AGBL4: variants seen among roughly 807,000 people sequenced by gnomAD.
AGBL4 encodes the protein cytosolic carboxypeptidase 6.
AGBL4 carries 58 observed loss-of-function variants against 66.4 expected under a neutral mutation model. The observed-to-expected ratio is 0.87, with a 90% CI of 0.71 to 1.09. The LOEUF is 1.09. AGBL4 is among the 50% of genes least tolerant of loss of function. AGBL4 has a pLI of 0.00. For synonymous variants in AGBL4, 234 were observed against 222.9 expected, an observed-to-expected ratio of 1.05 and a Z score of -0.44; for missense variants, 579 against 631.0, an observed-to-expected ratio of 0.92 and a Z score of 0.88.
At chr1:48,783,885 T>C (rs1198250059) in intron 6 of AGBL4, among the ~76,000 whole-genome samples, 2 of 152,180 alleles carry the variant, frequency 1.3e-5, no homozygotes, top group Non-Finnish European at 2.9e-5. Flanking sequence ...CAACAAGTCA[T>C]AAATATTATT....
At chr1:48,733,660 T>G (rs1428286517) in intron 6 of AGBL4, among the ~76,000 whole-genome samples, 1 of 152,214 alleles carries the variant, frequency 6.6e-6, no homozygotes, top group Non-Finnish European at 1.5e-5. Context: ...TCTACATTGC[T>G]GCACTGCTAC....
At chr1:48,995,693 T>C (rs1419794797) in intron 5 of AGBL4, among the ~76,000 whole-genome samples, 1 of 152,062 alleles carries the variant, frequency 6.6e-6, no homozygotes, top group African/African-American at 2.4e-5. Flanking sequence ...GAGTGCCAAG[T>C]GTTGGAGAGA....
At chr1:49,356,200 C>T (rs369905478) in intron 3 of AGBL4, among the ~76,000 whole-genome samples, 3 of 152,158 alleles carry the variant, frequency 2.0e-5, no homozygotes, top group Admixed American at 6.5e-5. Flanking sequence ...TCTTATATCA[C>T]TATGTTTCAG....
intron 3 of AGBL4, among the ~76,000 whole-genome samples, chr1:49,507,195 T>A (rs1047408375): frequency 6.6e-6 from 1 of 151,988 alleles, no homozygotes; most frequent in African/African-American, 2.4e-5. Context: ...AGAGAATGAA[T>A]CTTAGCCATA....
intron 2 of AGBL4, among the ~76,000 whole-genome samples, chr1:49,770,676 C>T (rs1332460099): frequency 6.6e-6 from 1 of 152,100 alleles, no homozygotes; most frequent in East Asian, 1.9e-4. Context: ...TGTTTTATTA[C>T]TGATTCAATT....
intron 8 of AGBL4, among the ~76,000 whole-genome samples, chr1:48,647,296 G>T (rs1342303644): frequency 6.6e-6 from 1 of 152,180 alleles, no homozygotes; most frequent in Non-Finnish European, 1.5e-5. Context: ...TTCCAAAGAT[G>T]AGAAATTTCA....
rs2152327 is a variant in AGBL4 at position 48,693,425 on chromosome 1, C to T, written c.635-30184G>A. Among the ~76,000 whole-genome samples the T allele has an allele frequency of 4.7e-4, 71 of 152,296 alleles. 1 individual carries two copies. The East Asian group carries it at 0.011, about 23-fold the overall frequency. On this transcript the variant is annotated intron_variant, in intron 6 of 13. Transcript: ENST00000371839. ...CCCAGAGTCCTTGACCCATGGCTGA[C>T]CTGCTTTCCCTGTCACAGAGCCCGT...
At chr1:49,347,793 G>C (rs1030067093) in intron 3 of AGBL4, among the ~76,000 whole-genome samples, 1 of 151,874 alleles carries the variant, frequency 6.6e-6, no homozygotes, top group Non-Finnish European at 1.5e-5. Flanking sequence ...CCGGGAGGCA[G>C]ACGTTGCAGT....
intron 1 of AGBL4, among the ~76,000 whole-genome samples, chr1:49,861,592 C>T (rs773330707): frequency 1.3e-5 from 2 of 152,014 alleles, no homozygotes; most frequent in African/African-American, 2.4e-5. Context: ...TCAATCTCTA[C>T]GTTAAATTCA....
At chr1:49,917,733 C>T (rs566144675) in intron 1 of AGBL4, among the ~76,000 whole-genome samples, 133 of 152,282 alleles carry the variant, frequency 8.7e-4, no homozygotes, top group African/African-American at 3.1e-3. Context: ...ACCAAGCAGA[C>T]CTAATAGACA....
At chr1:49,748,472 C>T (rs1651176586) in intron 2 of AGBL4, among the ~76,000 whole-genome samples, 1 of 152,124 alleles carries the variant, frequency 6.6e-6, no homozygotes, top group Non-Finnish European at 1.5e-5. Flanking sequence ...AATAAACATG[C>T]ATGTGCATGT....
intron 5 of AGBL4, among the ~76,000 whole-genome samples, chr1:48,982,339 C>G (rs1659841319): frequency 6.6e-6 from 1 of 152,138 alleles, no homozygotes; most frequent in Admixed American, 6.5e-5. Context: ...AGTGCTATCC[C>G]TCCCACTCCC....
chr1:49,446,634 T>C (rs1335872568), intron 3 of AGBL4, among the ~76,000 whole-genome samples: 3 of 152,156 alleles, frequency 2.0e-5, no homozygotes, highest in Non-Finnish European at 2.9e-5. Flanking sequence ...ATGCTGGCAT[T>C]TGTTTTGTCA....
chr1:49,568,499 A>ACG, intron 3 of AGBL4, among the ~76,000 whole-genome samples: 1 of 151,268 alleles, frequency 6.6e-6, no homozygotes, highest in African/African-American at 2.4e-5. Flanking sequence ...ACACACACAC[A>ACG]CACACACACA....
intron 3 of AGBL4, among the ~76,000 whole-genome samples, chr1:49,375,165 G>A (rs1644446506): frequency 6.6e-6 from 1 of 152,028 alleles, no homozygotes; most frequent in Non-Finnish European, 1.5e-5. Context: ...TTTGCTTGGG[G>A]CCTGTGAGAA....
In AGBL4 at chr1:49,151,861, T is replaced by C. The variant is rs1646342457; in HGVS notation, c.377+93909A>G. Among the ~76,000 whole-genome samples the C allele has an allele frequency of 2.0e-5, 3 of 152,182 alleles. 1 individual carries two copies. The South Asian group carries it at 6.2e-4, about 31-fold the overall frequency. On this transcript the variant is annotated intron_variant, in intron 4 of 13. Transcript: ENST00000371839. ...AATCCTTCCCCCTTTATGTAATACCTATTAACATCTATTTCCCAGAACATT... is the reference window on the plus strand; with the variant it reads ...AATCCTTCCCCCTTTATGTAATACCCATTAACATCTATTTCCCAGAACATT...
chr1:49,238,813 G>A (rs1383954576), intron 4 of AGBL4, among the ~76,000 whole-genome samples: 1 of 152,058 alleles, frequency 6.6e-6, no homozygotes, highest in Non-Finnish European at 1.5e-5. Context: ...TTATTTGTCT[G>A]TACCTGTGGC....
intron 3 of AGBL4, among the ~76,000 whole-genome samples, chr1:49,406,847 C>T (rs145574987): frequency 0.014 from 2,062 of 151,744 alleles, 53 homozygotes; most frequent in African/African-American, 0.048. Flanking sequence ...GGGCGGATCA[C>T]GAGGTCAGGA....
intron 3 of AGBL4, among the ~76,000 whole-genome samples, chr1:49,406,346 T>C (rs553883033): frequency 6.6e-6 from 1 of 152,268 alleles, no homozygotes; most frequent in South Asian, 2.1e-4. Flanking sequence ...CAATGCAACA[T>C]TTGGTATGAT....
Sources: gnomAD v4.1 joint callset for allele counts (sites outside exome capture counted in the v4.1 genomes callset) on GRCh38, gnomAD v4.1.1 for gene constraint, MANE v1.5 for transcripts, NCBI Gene and HGNC (gene_info 2026-07-23, HGNC 2026-07-21) for gene names.